The following FHOD3 variants were observed in gnomAD, a reference collection of about 807,000 sequenced individuals.
The protein encoded by FHOD3 is formin homology 2 domain containing 3.
In FHOD3, 90 loss-of-function variants were observed where a neutral mutation model predicts 173.0. That is an observed-to-expected ratio of 0.52 (90% confidence interval 0.44 to 0.62). The LOEUF (loss-of-function observed/expected upper bound fraction) is 0.62, where lower values mean the gene tolerates loss of function less well. Among genes scored for constraint, FHOD3 ranks in the 20% least tolerant of loss-of-function variants. The pLI is 0.00. For synonymous variants in FHOD3, 828 were observed against 823.0 expected, an observed-to-expected ratio of 1.01 and a Z score of -0.10; for missense variants, 1,945 against 2,034.7, an observed-to-expected ratio of 0.96 and a Z score of 0.85.
intron 24 of FHOD3, among the ~76,000 whole-genome samples, chr18:36,751,006 G>A (rs2042381004): frequency 6.6e-6 from 1 of 152,086 alleles, no homozygotes; most frequent in East Asian, 1.9e-4. Context: ...TTTTTTTCTA[G>A]TTCTGTGAAG....
intron 3 of FHOD3, among the ~76,000 whole-genome samples, chr18:36,456,725 G>A (rs2052240275): frequency 6.6e-6 from 1 of 151,996 alleles, no homozygotes; most frequent in African/African-American, 2.4e-5. Flanking sequence ...TTGAGCTCTG[G>A]GGACTGCACC....
intron 4 of FHOD3, among the ~76,000 whole-genome samples, chr18:36,512,025 G>T (rs892541774): frequency 6.6e-6 from 1 of 152,222 alleles, no homozygotes. Context: ...CACATTAGTG[G>T]CTTTGAGTTC....
intron 3 of FHOD3, among the ~76,000 whole-genome samples, chr18:36,424,135 C>T (rs1274517594): frequency 6.6e-6 from 1 of 152,168 alleles, no homozygotes; most frequent in African/African-American, 2.4e-5. Flanking sequence ...CCACACCCAT[C>T]CACATGTGGA....
At chr18:36,776,701 G>A (rs1245532356) in intron 28 of FHOD3, among the ~76,000 whole-genome samples, 1 of 152,124 alleles carries the variant, frequency 6.6e-6, no homozygotes, top group African/African-American at 2.4e-5. Context: ...AGCCTATGTT[G>A]GCTTTTCCCT....
At chr18:36,362,243 A>G (rs17673169) in intron 2 of FHOD3, among the ~76,000 whole-genome samples, 44,799 of 151,968 alleles carry the variant, frequency 0.29, 7,058 homozygotes, top group African/African-American at 0.39. Context: ...TAATGAACCT[A>G]AACCTGGTAG....
chr18:36,710,975 C>CT (rs1054705533), intron 18 of FHOD3: 1 of 152,162 alleles, frequency 6.6e-6, no homozygotes, highest in African/African-American at 2.4e-5. Context: ...GGCGACAGGG[C>CT]TTTCTTGGAT....
At chr18:36,508,523 A>C (rs1240129785) in intron 4 of FHOD3, among the ~76,000 whole-genome samples, 2 of 152,150 alleles carry the variant, frequency 1.3e-5, no homozygotes, top group African/African-American at 4.8e-5. Context: ...AGGGTCTCCC[A>C]CTGGCTGGCC....
intron 2 of FHOD3, among the ~76,000 whole-genome samples, chr18:36,370,466 T>C (rs184159992): frequency 6.5e-4 from 99 of 152,218 alleles, no homozygotes; most frequent in African/African-American, 2.3e-3. Flanking sequence ...ATTGTTTTTA[T>C]TGAGAGGCCT....
chr18:36,492,557 A>G (rs1417492894), intron 3 of FHOD3, among the ~76,000 whole-genome samples: 2 of 152,226 alleles, frequency 1.3e-5, no homozygotes, highest in Non-Finnish European at 2.9e-5. Flanking sequence ...CATGCTCAGC[A>G]TAGCACCTAC....
At chr18:36,553,287 G>C (rs775009406) in intron 5 of FHOD3, among the ~76,000 whole-genome samples, 3 of 151,958 alleles carry the variant, frequency 2.0e-5, no homozygotes, top group Non-Finnish European at 4.4e-5. Context: ...TCTCTTTTTT[G>C]GTTGTGTCTC....
chr18:36,694,831 A>G (rs1023124652), intron 17 of FHOD3, among the ~76,000 whole-genome samples: 1 of 152,116 alleles, frequency 6.6e-6, no homozygotes, highest in Non-Finnish European at 1.5e-5. Flanking sequence ...GCAAAAGACA[A>G]TTTCTCTCCT....
At chr18:36,709,426 C>T (rs752062258) in intron 18 of FHOD3, 35 bp downstream of exon 18, 2 of 1,588,268 alleles carry the variant, frequency 1.3e-6, no homozygotes, top group Middle Eastern at 2.1e-4. Flanking sequence ...CGGCATGTGC[C>T]AGGGAGGCCT....
chr18:36,327,264 G>A (rs969300738), intron 1 of FHOD3, among the ~76,000 whole-genome samples: 2 of 152,200 alleles, frequency 1.3e-5, no homozygotes, highest in African/African-American at 4.8e-5. Flanking sequence ...TGCTGGCAGA[G>A]CCCCATTTGA....
intron 3 of FHOD3, among the ~76,000 whole-genome samples, chr18:36,428,374 A>C (rs2050362061): frequency 6.6e-6 from 1 of 152,088 alleles, no homozygotes. Flanking sequence ...TTTTGTTTTG[A>C]CAAATTGCAA....
chr18:36,477,886 C>A (rs1297376043), intron 3 of FHOD3, among the ~76,000 whole-genome samples: 1 of 152,092 alleles, frequency 6.6e-6, no homozygotes, highest in Admixed American at 6.5e-5. Flanking sequence ...CTGGGATGGT[C>A]AGGGAAGACG....
chr18:36,427,334 C>G (rs1390550792), intron 3 of FHOD3, among the ~76,000 whole-genome samples: 1 of 146,982 alleles, frequency 6.8e-6, no homozygotes, highest in African/African-American at 2.5e-5. Context: ...TTCCCACTGT[C>G]TGCAGAATAT....
chr18:36,452,860 A>ATGTATG (rs1208888191), intron 3 of FHOD3, among the ~76,000 whole-genome samples: 1 of 152,032 alleles, frequency 6.6e-6, no homozygotes, highest in African/African-American at 2.4e-5. Flanking sequence ...ATGTATGTAT[A>ATGTATG]TGTATGTGTA....
At chr18:36,552,023 A>G (rs2057678122) in intron 5 of FHOD3, among the ~76,000 whole-genome samples, 1 of 152,136 alleles carries the variant, frequency 6.6e-6, no homozygotes, top group African/African-American at 2.4e-5. Context: ...GTTTTTCCCA[A>G]TTCTGTGAAG....
At chr18:36,338,673 G>T (rs1235913296) in intron 1 of FHOD3, among the ~76,000 whole-genome samples, 1 of 152,114 alleles carries the variant, frequency 6.6e-6, no homozygotes, top group Non-Finnish European at 1.5e-5. Context: ...GGTTTTCCTG[G>T]CCAGCAGGCA....
Sources: gnomAD v4.1 joint callset for allele counts (sites outside exome capture counted in the v4.1 genomes callset) on GRCh38, gnomAD v4.1.1 for gene constraint, MANE v1.5 for transcripts, NCBI Gene and HGNC (gene_info 2026-07-23, HGNC 2026-07-21) for gene names.